The following MEF2C variants were observed in gnomAD, a reference collection of about 807,000 sequenced individuals.
The protein encoded by MEF2C is myocyte enhancer factor 2C.
In MEF2C, 6 loss-of-function variants were observed where a neutral mutation model predicts 50.5. That is an observed-to-expected ratio of 0.12 (90% CI 0.07 to 0.23). The LOEUF (loss-of-function observed/expected upper bound fraction) is 0.23, where lower values mean the gene tolerates loss of function less well. Ranked by LOEUF, MEF2C falls within the 10% of genes least tolerant of loss-of-function variation. MEF2C has a pLI of 1.00. For missense variants in MEF2C, 276 were observed against 605.0 expected (o/e 0.46, Z 5.70); for synonymous variants, 183 against 228.0 (o/e 0.80, Z 1.78).
rs1756611982 is a variant in MEF2C, at chr5:88,722,325, T to C, written c.*279A>G. The C allele has an allele frequency of 5.8e-6, 2 of 345,994 alleles. No individual in the cohort carries two copies. Among genetic ancestry groups the C allele is most frequent in the Non-Finnish European group, 1.1e-5 (2 of 189,432 alleles). 21.4% of individuals were successfully genotyped at this position (345,994 alleles called of 1,614,324 possible). On this transcript the variant is annotated 3_prime_UTR_variant, in exon 11 of 11. Transcript: ENST00000504921. Reference sequence around the variant, plus strand: ...ACACTATCTATTGTAACATACATTTTGCAAAGGAGCACAACAGTGAAAAGA... The same window carrying C: ...ACACTATCTATTGTAACATACATTTCGCAAAGGAGCACAACAGTGAAAAGA...
intron 1 of MEF2C, chr5:88,843,577 T>A: frequency 1.9e-6 from 1 of 514,468 alleles, no homozygotes; most frequent in Non-Finnish European, 2.5e-6. Context: ...CACAACAAAG[T>A]GAGAGGTGTT....
chr5:88,836,252 ATAT>A (rs1277970607), intron 1 of MEF2C, among the ~76,000 whole-genome samples: 1 of 152,050 alleles, frequency 6.6e-6, no homozygotes, highest in Non-Finnish European at 1.5e-5. Context: ...CATGGTATAG[ATAT>A]TATAACAAAA....
chr5:88,779,586 T>C (rs1786700207), intron 3 of MEF2C, among the ~76,000 whole-genome samples: 1 of 132,098 alleles, frequency 7.6e-6, no homozygotes, highest in African/African-American at 2.7e-5. Flanking sequence ...TGAATATATG[T>C]AGGTTTGTGT....
chr5:88,794,420 C>A (rs1744113903), intron 3 of MEF2C, among the ~76,000 whole-genome samples: 1 of 151,996 alleles, frequency 6.6e-6, no homozygotes. Context: ...TTTTCATATG[C>A]TTGTTGGTTG....
intron 1 of MEF2C, among the ~76,000 whole-genome samples, chr5:88,894,801 C>T (rs1834945399): frequency 6.6e-6 from 1 of 152,106 alleles, no homozygotes; most frequent in Non-Finnish European, 1.5e-5. Context: ...AAGTCATTTT[C>T]ACTAAATTAA....
intron 2 of MEF2C, among the ~76,000 whole-genome samples, chr5:88,806,941 T>C (rs1367601056): frequency 3.3e-5 from 5 of 152,128 alleles, no homozygotes; most frequent in Non-Finnish European, 7.3e-5. Context: ...TAAAAATCCA[T>C]GGTATAAAAA....
chr5:88,737,234 AATG>A (rs1764499636), intron 6 of MEF2C: 1 of 985,214 alleles, frequency 1.0e-6, no homozygotes, highest in Non-Finnish European at 1.2e-6. Flanking sequence ...TATTTTAGAT[AATG>A]ATTGCAAATT....
intron 1 of MEF2C, among the ~76,000 whole-genome samples, chr5:88,882,048 T>A (rs1336535819): frequency 6.6e-6 from 1 of 152,170 alleles, no homozygotes; most frequent in African/African-American, 2.4e-5. Context: ...TAGTCAGAAG[T>A]GATTCAGATA....
At chr5:88,801,207 A>C (rs1352582429) in intron 3 of MEF2C, among the ~76,000 whole-genome samples, 1 of 152,190 alleles carries the variant, frequency 6.6e-6, no homozygotes, top group African/African-American at 2.4e-5. Context: ...GTTAAGGAAG[A>C]GGGGTAATGG....
In MEF2C at chr5:88,720,421, T is replaced by C. The variant is rs1015162877; in HGVS notation, c.*2183A>G. 7.2e-5 allele frequency: 11 copies of C among 152,474 alleles called. No homozygotes were observed. The highest frequency in any genetic ancestry group is 7.2e-4 in the Admixed American group (11 of 15,268). The allele number at this position is 152,474 out of a possible 1,614,324, so 9.4% of individuals were successfully genotyped here. On this transcript the variant is annotated 3_prime_UTR_variant, in exon 11 of 11. Coordinates refer to ENST00000504921, the MANE Select transcript of MEF2C (RefSeq NM_002397.5). Reference sequence around the variant, plus strand: ...CAACCAAAGGTGCATTGTGGTCTAATTGTGGATTTCAGATCAAGTTAAGAA... The same window carrying C: ...CAACCAAAGGTGCATTGTGGTCTAACTGTGGATTTCAGATCAAGTTAAGAA...
chr5:88,799,674 T>G (rs1039128997), intron 3 of MEF2C, among the ~76,000 whole-genome samples: 2 of 152,234 alleles, frequency 1.3e-5, no homozygotes, highest in Admixed American at 1.3e-4. Context: ...AATTTAGGCC[T>G]TAATTATTAC....
chr5:88,760,005 C>T (rs944372483), intron 4 of MEF2C, among the ~76,000 whole-genome samples: 1 of 152,236 alleles, frequency 6.6e-6, no homozygotes, highest in African/African-American at 2.4e-5. Flanking sequence ...CAGTCTCTCT[C>T]ATTTCTCAGG....
intron 6 of MEF2C, chr5:88,735,114 T>A: frequency 1.0e-6 from 1 of 985,400 alleles, no homozygotes; most frequent in Non-Finnish European, 1.2e-6. Flanking sequence ...AACCTATGAT[T>A]TGAAAATCAA....
At chr5:88,875,412 A>G (rs180765052) in intron 1 of MEF2C, among the ~76,000 whole-genome samples, 13 of 152,150 alleles carry the variant, frequency 8.5e-5, no homozygotes, top group Admixed American at 4.6e-4. Context: ...AAAAACCTCA[A>G]TGCTAATTTG....
chr5:88,734,221 C>A, intron 6 of MEF2C: 1 of 985,292 alleles, frequency 1.0e-6, no homozygotes, highest in African/African-American at 1.7e-5. Flanking sequence ...CTGCTCTATA[C>A]TTTGCTGTCA....
rs369198004 is a variant in MEF2C at position 88,854,229 on chromosome 5, C to T, written c.-143+28726G>A. On this transcript the variant is annotated intron_variant, in intron 1 of 10. Coordinates refer to ENST00000504921, the MANE Select transcript of MEF2C (RefSeq NM_002397.5). ...AGGATACAATAAATAGATACTATTG[C>T]CATGGGTTTATAGAGTAGTTATGAT... Among the ~76,000 whole-genome samples, 22 of 152,208 alleles carry T rather than the reference C, an allele frequency of 1.4e-4. No homozygotes were observed. In the South Asian group the frequency reaches 4.6e-3, roughly 32 times the overall value.
intron 3 of MEF2C, chr5:88,771,376 C>T (rs960819963): frequency 1.5e-5 from 14 of 938,088 alleles, no homozygotes; most frequent in Non-Finnish European, 1.8e-5. Context: ...TTACACAAAC[C>T]TTAATTGTCC....
At chr5:88,796,305 C>G (rs1796008648) in intron 3 of MEF2C, among the ~76,000 whole-genome samples, 1 of 152,122 alleles carries the variant, frequency 6.6e-6, no homozygotes, top group Non-Finnish European at 1.5e-5. Context: ...TAATTACTGC[C>G]TCAATTTCAG....
At chr5:88,742,235 T>C in intron 6 of MEF2C, 1 of 985,360 alleles carries the variant, frequency 1.0e-6, no homozygotes, top group East Asian at 1.1e-4. Flanking sequence ...CTGATGATTA[T>C]GAAAAAAGCT....
Sources: gnomAD v4.1 joint callset for allele counts (sites outside exome capture counted in the v4.1 genomes callset) on GRCh38, gnomAD v4.1.1 for gene constraint, MANE v1.5 for transcripts, NCBI Gene and HGNC (gene_info 2026-07-23, HGNC 2026-07-21) for gene names.